The following CTNNA1 variants were observed in gnomAD, a reference collection of about 807,000 sequenced individuals.
The protein encoded by CTNNA1 is catenin alpha-1.
Under a neutral mutation model 98.4 loss-of-function variants are expected in CTNNA1, and 37 were observed. The observed-to-expected ratio is 0.38, with a 90% CI of 0.29 to 0.49. CTNNA1 has a LOEUF of 0.49. Among genes scored for constraint, CTNNA1 ranks in the 20% least tolerant of loss-of-function variants. CTNNA1 has a pLI of 0.95. For missense variants in CTNNA1, 761 were observed against 1,147.2 expected, an observed-to-expected ratio of 0.66 and a Z score of 4.86; for synonymous variants, 404 against 413.2, an observed-to-expected ratio of 0.98 and a Z score of 0.27.
At chr5:138,842,767 A>G (rs1227552316) in intron 7 of CTNNA1, among the ~76,000 whole-genome samples, 2 of 152,242 alleles carry the variant, frequency 1.3e-5, no homozygotes, top group African/African-American at 4.8e-5. Flanking sequence ...TCAAAGCAAT[A>G]TTAAATGTTG....
At position 138,873,642 on chromosome 5, in the gene CTNNA1, C is replaced by T; in HGVS notation, c.1063-12570C>T. On this transcript the variant is annotated intron_variant, in intron 7 of 17. Coordinates refer to ENST00000302763, the MANE Select transcript of CTNNA1 (RefSeq NM_001903.5). This position sits in a 1 kb window ranked among gnomAD's most constrained non-coding sequence, Gnocchi z 6.1. The stretch of plus-strand genomic sequence containing the variant: ...CATTCCCACAGATTGCCAGAGAGAC[C>T]AACGGTTGTGAGGGATCTCAGGGAG... 1 of 1,614,048 alleles carries T rather than the reference C, an allele frequency of 6.2e-7. No homozygotes were observed. Among genetic ancestry groups the T allele is most frequent in the Middle Eastern group, 1.6e-4 (1 of 6,062 alleles).
At chr5:138,814,841 C>T (rs984262567) in intron 5 of CTNNA1, among the ~76,000 whole-genome samples, 2 of 152,050 alleles carry the variant, frequency 1.3e-5, no homozygotes, top group African/African-American at 4.8e-5. Context: ...GCAACCTCCA[C>T]CTCCTGGGTT....
chr5:138,841,795 C>T (rs1030470843), intron 7 of CTNNA1, among the ~76,000 whole-genome samples: 1 of 152,184 alleles, frequency 6.6e-6, no homozygotes, highest in African/African-American at 2.4e-5. Flanking sequence ...GTTTTAACCC[C>T]AGTTGAAGAC....
At chr5:138,783,065 C>T in intron 2 of CTNNA1, 112 bp from the exon 3 acceptor site, 1 of 756,912 alleles carries the variant, frequency 1.3e-6, no homozygotes, top group Non-Finnish European at 2.1e-6. Flanking sequence ...TGTTAATGTT[C>T]AGTGGAATCT....
rs187801981 is a variant in CTNNA1, at chr5:138,887,775, C to G, written c.1296+133C>G. 5 of 715,250 alleles carry G rather than the reference C, an allele frequency of 7.0e-6. No homozygotes were observed. The Admixed American group carries it at 1.4e-4, about 20-fold the overall frequency. 44.3% of individuals were successfully genotyped at this position (715,250 alleles called of 1,614,324 possible). A position where few individuals can be genotyped will look rare whatever the true frequency, so the allele number is the denominator to read the frequency against. ...CAACATGTCTGAGATGATAGTCTTTCATTATCACTTAACATCTAAGGAAAA... is the reference window on the plus strand; with the variant it reads ...CAACATGTCTGAGATGATAGTCTTTGATTATCACTTAACATCTAAGGAAAA... On this transcript the variant is annotated intron_variant, in intron 9 of 17. Transcript: ENST00000302763.
chr5:138,793,853 T>C (rs1240764590), intron 3 of CTNNA1, among the ~76,000 whole-genome samples: 1 of 152,068 alleles, frequency 6.6e-6, no homozygotes, highest in Non-Finnish European at 1.5e-5. Context: ...TTTAAATCCA[T>C]TCTGTCTGTC....
At chr5:138,892,710 C>G (rs1180416254) in intron 9 of CTNNA1, among the ~76,000 whole-genome samples, 2 of 151,666 alleles carry the variant, frequency 1.3e-5, no homozygotes, top group Non-Finnish European at 2.9e-5. Flanking sequence ...TTTTAATGTG[C>G]CTACTAAAAA....
intron 7 of CTNNA1, among the ~76,000 whole-genome samples, chr5:138,877,018 G>A (rs1402377097): frequency 5.9e-5 from 9 of 152,240 alleles, no homozygotes; most frequent in Admixed American, 5.9e-4. Context: ...AGGAAGCAAA[G>A]AAGATGAGAT....
At chr5:138,852,849 T>G (rs560524406) in intron 7 of CTNNA1, among the ~76,000 whole-genome samples, 1 of 29,486 alleles carries the variant, frequency 3.4e-5, no homozygotes, top group East Asian at 4.8e-3. Flanking sequence ...CCTGCTTCCC[T>G]TCCCTCTTTT....
intron 3 of CTNNA1, among the ~76,000 whole-genome samples, chr5:138,809,138 C>T (rs1187059999): frequency 6.6e-6 from 1 of 152,154 alleles, no homozygotes; most frequent in African/African-American, 2.4e-5. Context: ...GTGTAAGCCA[C>T]CATGCCCAGC....
intron 5 of CTNNA1, among the ~76,000 whole-genome samples, chr5:138,814,231 T>G (rs1759165008): frequency 1.3e-5 from 2 of 151,896 alleles, no homozygotes; most frequent in Admixed American, 1.3e-4. Flanking sequence ...TATACCCAAG[T>G]TAGTGTAGGC....
chr5:138,825,064 G>A (rs1031292564), intron 6 of CTNNA1, among the ~76,000 whole-genome samples: 41 of 152,122 alleles, frequency 2.7e-4, no homozygotes, highest in African/African-American at 9.4e-4. Context: ...TCTTTACTGA[G>A]GATATGGGTT....
intron 9 of CTNNA1, among the ~76,000 whole-genome samples, chr5:138,892,301 T>C (rs1208490857): frequency 1.4e-5 from 2 of 147,880 alleles, no homozygotes; most frequent in Non-Finnish European, 3.0e-5. Context: ...GAATATAAAA[T>C]ATGGAAAAAG....
intron 7 of CTNNA1, among the ~76,000 whole-genome samples, chr5:138,855,259 G>A (rs1165547153): frequency 1.3e-5 from 2 of 152,126 alleles, no homozygotes; most frequent in African/African-American, 4.8e-5. Flanking sequence ...GGCTGGTCTC[G>A]AACTCCTGAT....
intron 1 of CTNNA1, among the ~76,000 whole-genome samples, chr5:138,778,792 A>C (rs775066679): frequency 6.6e-6 from 1 of 152,172 alleles, no homozygotes; most frequent in South Asian, 2.1e-4. Context: ...GCATTAGTCA[A>C]TGGATCATAC....
chr5:138,815,861 T>G (rs544019578), intron 5 of CTNNA1, among the ~76,000 whole-genome samples: 1 of 152,108 alleles, frequency 6.6e-6, no homozygotes, highest in African/African-American at 2.4e-5. Flanking sequence ...CACAAAATGG[T>G]CTTTTATAGG....
At chr5:138,806,895 A>C (rs2149718418) in intron 3 of CTNNA1, among the ~76,000 whole-genome samples, 1 of 152,170 alleles carries the variant, frequency 6.6e-6, no homozygotes, top group East Asian at 1.9e-4. Context: ...TTAGTTAGTT[A>C]ATCTGTATAA....
chr5:138,866,067 T>C (rs563223718), intron 7 of CTNNA1, among the ~76,000 whole-genome samples: 7 of 152,210 alleles, frequency 4.6e-5, no homozygotes, highest in Admixed American at 1.3e-4. Context: ...TCCCAACTCT[T>C]TGTGGGCTGA....
chr5:138,837,944 G>A (rs866828404), intron 7 of CTNNA1, among the ~76,000 whole-genome samples: 2 of 151,960 alleles, frequency 1.3e-5, no homozygotes, highest in Admixed American at 6.5e-5. Context: ...TAAAGAGACC[G>A]CATGGCCCCA....
Sources: gnomAD v4.1 joint callset for allele counts (sites outside exome capture counted in the v4.1 genomes callset) on GRCh38, gnomAD v4.1.1 for gene constraint, Gnocchi (gnomAD v3.1) non-coding constraint, MANE v1.5 for transcripts, NCBI Gene and HGNC (gene_info 2026-07-23, HGNC 2026-07-21) for gene names.